JCAD: variants seen among roughly 807,000 people sequenced by gnomAD.
JCAD encodes the protein junctional cadherin 5 associated.
Under a neutral mutation model 98.0 loss-of-function variants are expected in JCAD, and 40 were observed. That is an observed-to-expected ratio of 0.41 (90% CI 0.32 to 0.53). JCAD has a LOEUF of 0.53. Ranked by LOEUF, JCAD falls within the 20% of genes least tolerant of loss-of-function variation. The pLI is 0.31. For synonymous variants in JCAD, 691 were observed against 682.3 expected (o/e 1.01, Z -0.20); for missense variants, 1,705 against 1,738.1 (o/e 0.98, Z 0.34).
intron 2 of JCAD, among the ~76,000 whole-genome samples, chr10:30,032,019 GCTGGGATTAC>G (rs1837013062): frequency 6.6e-6 from 1 of 152,146 alleles, no homozygotes; most frequent in Admixed American, 6.5e-5. Flanking sequence ...CTCCCAAAGT[GCTGGGATTAC>G]AGGCGTGAGC....
In JCAD at chr10:30,028,160, T is replaced by C. The variant is rs1371592138; in HGVS notation, c.1988A>G (p.Asp663Gly). 8.1e-6 allele frequency: 13 copies of C among 1,614,106 alleles called. No individual in the cohort carries two copies. Among genetic ancestry groups the C allele is most frequent in the Non-Finnish European group, 1.1e-5 (13 of 1,180,020 alleles). ...CTTTGTAAGGTGGATGAAACTGAGGTCATTTGTTTGTCTGTCTTCTTCTGG... is the reference window on the plus strand; with the variant it reads ...CTTTGTAAGGTGGATGAAACTGAGGCCATTTGTTTGTCTGTCTTCTTCTGG... ...GEPEEDRQTN[D>G]LSFIHLTKHR... Residue 663 changes from aspartate (D) to glycine (G), a missense_variant, in exon 3 of 4, where the codon GAC becomes GGC. By Grantham distance (94) the Asp-to-Gly change is moderately conservative (BLOSUM62 -1). Transcript: ENST00000375377.
chr10:30,090,564 AGAGGGGAGGGGAGGG>A (rs554794853), intron 1 of JCAD, among the ~76,000 whole-genome samples: 1 of 106,050 alleles, frequency 9.4e-6, no homozygotes, highest in South Asian at 3.6e-4. Context: ...AAAGGAGAGG[AGAGGGGAGGGGAGGG>A]GAGGGGAGGG....
At chr10:30,063,263 TCC>T (rs1342298538), upstream of JCAD, among the ~76,000 whole-genome samples, 1 of 152,032 alleles carries the variant, frequency 6.6e-6, no homozygotes, top group African/African-American at 2.4e-5. Flanking sequence ...TGTGCCAGGA[TCC>T]AGCCCTGGAT....
At chr10:30,045,056 C>A (rs890395411) in intron 2 of JCAD, among the ~76,000 whole-genome samples, 20 of 152,122 alleles carry the variant, frequency 1.3e-4, no homozygotes, top group Admixed American at 1.3e-3. Flanking sequence ...ATGAAAACAT[C>A]CCAGGGCTAC....
intron 1 of JCAD, among the ~76,000 whole-genome samples, chr10:30,108,733 T>G (rs879777728): frequency 1.1e-4 from 16 of 152,118 alleles, no homozygotes; most frequent in Non-Finnish European, 5.9e-5. Context: ...CTTCTTTAAG[T>G]CAGAATTCTC....
At chr10:30,055,593 T>C (rs1837554595) in intron 1 of JCAD, among the ~76,000 whole-genome samples, 1 of 152,224 alleles carries the variant, frequency 6.6e-6, no homozygotes, top group African/African-American at 2.4e-5. Flanking sequence ...AGACTGCTGT[T>C]ACCATACCAC....
chr10:30,079,815 C>T (rs942335360), intron 1 of JCAD, among the ~76,000 whole-genome samples: 2 of 152,220 alleles, frequency 1.3e-5, no homozygotes, highest in African/African-American at 2.4e-5. Flanking sequence ...ATTTTTCTCC[C>T]TTGCCTAAAA....
At chr10:30,087,841 C>A (rs527299218) in intron 1 of JCAD, among the ~76,000 whole-genome samples, 1 of 152,256 alleles carries the variant, frequency 6.6e-6, no homozygotes, top group South Asian at 2.1e-4. Flanking sequence ...ACTTCTGTAA[C>A]CTTTGTTTGT....
Position 30,055,681 on chromosome 10 carries a change from G to A in JCAD, c.-60+3801C>T, listed in dbSNP as rs1589697428. Among the ~76,000 whole-genome samples, 3 of 152,310 alleles carry A rather than the reference G, an allele frequency of 2.0e-5. No homozygotes were observed. In the East Asian group the frequency reaches 5.8e-4, roughly 29 times the overall value. On this transcript the variant is annotated intron_variant, in intron 1 of 3. Coordinates refer to ENST00000375377, the MANE Select transcript of JCAD (RefSeq NM_020848.4). ...ATGTAAAAAATCATACTTAATCTGT[G>A]AAGTAATCATTTTAGGAGGACATCC...
At chr10:30,024,878 G>A (rs2132608906) in intron 3 of JCAD, among the ~76,000 whole-genome samples, 1 of 151,962 alleles carries the variant, frequency 6.6e-6, no homozygotes, top group African/African-American at 2.4e-5. Context: ...TGTATTTTCA[G>A]TAGAGACGGA....
rs576596543 is a variant in JCAD at position 30,017,797 on chromosome 10, T to C, written c.*86A>G. The C allele has an allele frequency of 1.1e-4, 130 of 1,226,080 alleles. No homozygotes were observed. The African/African-American group carries it at 1.7e-3, about 16-fold the overall frequency. 76.0% of individuals were successfully genotyped at this position (1,226,080 alleles called of 1,614,324 possible). ...AACTCAGCAGCTTCCAGCTTCTACA[T>C]GGGGAAGTGGGGCTGATAGACTAAA... On this transcript the variant is annotated 3_prime_UTR_variant, in exon 4 of 4. Transcript: ENST00000375377.
Position 30,026,435 on chromosome 10 carries a change from T to G in JCAD, c.3713A>C (p.Lys1238Thr). The change falls in exon 3 of 4, where the codon AAA becomes ACA. Residue 1238 changes from lysine (K) to threonine (T), a missense_variant. Transcript: ENST00000375377. ...TTTCTCTTGTAAACTTTCAATCACTTTGGAAGGGCTTCTAAGTCTCTTTTC... is the reference window on the plus strand; with the variant it reads ...TTTCTCTTGTAAACTTTCAATCACTGTGGAAGGGCTTCTAAGTCTCTTTTC... ...GSEKRLRSPS[K>T]VIESLQEKLA... 2 of 1,614,224 alleles carry G rather than the reference T, an allele frequency of 1.2e-6. No individual in the cohort carries two copies. Among genetic ancestry groups the G allele is most frequent in the Non-Finnish European group, 1.7e-6 (2 of 1,180,044 alleles).
Position 30,015,431 on chromosome 10 carries a change from ATTTTCAAGTTAAAC to A in JCAD, c.*2438_*2451del, listed in dbSNP as rs1002657841. On this transcript the variant is annotated 3_prime_UTR_variant, in exon 4 of 4. Coordinates refer to ENST00000375377, the MANE Select transcript of JCAD (RefSeq NM_020848.4). ...TAGAATATGAAAGTTTAAAGGTCAA[ATTTTCAAGTTAAAC>A]TTTTCAAGTTACCTTCCCCCCAAAA... 73 of 152,342 alleles carry A rather than the reference ATTTTCAAGTTAAAC, an allele frequency of 4.8e-4. No homozygotes were observed. The highest frequency in any genetic ancestry group is 1.7e-3 in the African/African-American group (69 of 41,574). The allele number at this position is 152,342 out of a possible 1,614,324, so 9.4% of individuals were successfully genotyped here.
intron 1 of JCAD, among the ~76,000 whole-genome samples, chr10:30,083,516 G>T (rs188383485): frequency 1.1e-3 from 160 of 152,298 alleles, no homozygotes; most frequent in African/African-American, 3.7e-3. Flanking sequence ...AAATATATTT[G>T]CAGATGTTCT....
At chr10:30,056,826 G>T (rs1298564277) in intron 1 of JCAD, among the ~76,000 whole-genome samples, 1 of 152,148 alleles carries the variant, frequency 6.6e-6, no homozygotes, top group African/African-American at 2.4e-5. Flanking sequence ...GTATCTGGGG[G>T]AGGGGTTCCT....
At chr10:30,019,630 G>T (rs1253716541) in intron 3 of JCAD, among the ~76,000 whole-genome samples, 1 of 151,946 alleles carries the variant, frequency 6.6e-6, no homozygotes, top group Non-Finnish European at 1.5e-5. Flanking sequence ...AGGAAAAGGG[G>T]AAATACTGGC....
intron 1 of JCAD, among the ~76,000 whole-genome samples, chr10:30,071,632 C>A (rs1447020037): frequency 3.2e-4 from 49 of 152,038 alleles, no homozygotes; most frequent in Admixed American, 3.2e-3. Flanking sequence ...TGGTGAAATC[C>A]TGTCTCTACT....
In JCAD at chr10:30,040,538, T is replaced by G. The variant is rs75253457; in HGVS notation, c.281+6994A>C. ...CACCACTCTTGCTTTCATTTACTTATTCATTTATTCAACAAATATTTATGG... is the reference window on the plus strand; with the variant it reads ...CACCACTCTTGCTTTCATTTACTTAGTCATTTATTCAACAAATATTTATGG... On this transcript the variant is annotated intron_variant, in intron 2 of 3. Transcript: ENST00000375377. 3.9e-4 allele frequency among the ~76,000 whole-genome samples: 59 copies of G among 152,366 alleles called. No individual in the cohort carries two copies. In the East Asian group the frequency reaches 9.8e-3, roughly 25 times the overall value.
At chr10:30,088,005 T>G (rs1838193489) in intron 1 of JCAD, among the ~76,000 whole-genome samples, 1 of 152,218 alleles carries the variant, frequency 6.6e-6, no homozygotes, top group Non-Finnish European at 1.5e-5. Flanking sequence ...CACACCCAGC[T>G]AATCTTTGTA....
Sources: allele counts gnomAD v4.1 joint callset (sites outside exome capture counted in the v4.1 genomes callset), GRCh38; gene constraint gnomAD v4.1.1; transcripts MANE v1.5; gene names NCBI Gene and HGNC (gene_info 2026-07-23, HGNC 2026-07-21).